MYO5B: variants seen among roughly 807,000 people sequenced by gnomAD.
The protein encoded by MYO5B is myosin VB.
MYO5B carries 143 observed loss-of-function variants against 229.3 expected under a neutral mutation model. That is an observed-to-expected ratio of 0.62 (90% CI 0.54 to 0.72). MYO5B has a LOEUF of 0.72. Among genes scored for constraint, MYO5B ranks in the 30% least tolerant of loss-of-function variants. MYO5B has a pLI of 0.00. For missense variants in MYO5B, 2,321 were observed against 2,331.0 expected (o/e 1.00, Z 0.09); for synonymous variants, 918 against 885.2 (o/e 1.04, Z -0.66).
intron 1 of MYO5B, among the ~76,000 whole-genome samples, chr18:50,101,070 T>C (rs181505247): frequency 2.4e-4 from 36 of 152,284 alleles, no homozygotes; most frequent in African/African-American, 8.7e-4. Context: ...ATGGGGACAA[T>C]AGTTCACAAT....
intron 18 of MYO5B, among the ~76,000 whole-genome samples, chr18:49,907,003 G>A (rs553777717): frequency 6.6e-6 from 1 of 152,328 alleles, no homozygotes; most frequent in Admixed American, 6.5e-5. Flanking sequence ...CAGCTCTGTG[G>A]AGGTGACAGC....
chr18:49,863,518 G>C (rs1185898086), intron 28 of MYO5B, among the ~76,000 whole-genome samples, 191 bp from the exon 29 acceptor site: 2 of 152,184 alleles, frequency 1.3e-5, no homozygotes, highest in African/African-American at 2.4e-5. Context: ...AGAACAACGA[G>C]GCCAGGCTGA....
intron 39 of MYO5B, among the ~76,000 whole-genome samples, chr18:49,834,036 C>T (rs1307728355): frequency 6.6e-6 from 1 of 152,156 alleles, no homozygotes; most frequent in Non-Finnish European, 1.5e-5. Context: ...GCCTCTGTTC[C>T]CTACTTAGAT....
At position 49,913,071 on chromosome 18, in the gene MYO5B, G is replaced by A. The variant is rs9954416; in HGVS notation, c.2091-898C>T. On this transcript the variant is annotated intron_variant, in intron 17 of 39. Transcript: ENST00000285039. ...ATTTTGCTTATGATTTTTTTCTTCT[G>A]ATTATTAGAGTAATACAGGCCCACT... 6.3e-3 allele frequency among the ~76,000 whole-genome samples: 960 copies of A among 152,184 alleles called. 13 individuals carry two copies. Among genetic ancestry groups the A allele is most frequent in the African/African-American group, 0.022 (927 of 41,502 alleles).
Position 49,841,103 on chromosome 18 carries a change from C to A in MYO5B, c.4701+262G>T, listed in dbSNP as rs1186570911. On this transcript the variant is annotated intron_variant, in intron 35 of 39. Transcript: ENST00000285039. ...GGAGACTCCCAGGGCCTCTATTGAT[C>A]ATGGGTTATGCAGACTCTACTTACA... 2.0e-5 allele frequency among the ~76,000 whole-genome samples: 3 copies of A among 152,328 alleles called. No homozygotes were observed. The East Asian group carries it at 5.8e-4, about 29-fold the overall frequency.
chr18:49,872,182 G>A lies in MYO5B; in HGVS notation c.3588C>T (p.Ala1196=). 6.2e-7 allele frequency: 1 copy of A among 1,614,020 alleles called. No individual in the cohort carries two copies. The highest frequency in any genetic ancestry group is 8.5e-7 in the Non-Finnish European group (1 of 1,179,976). ...DIDLDPNADL[A]YNSLKRQELE... ...AGAATCTTACCTTCAGACTATTGTA[G>A]GCCAGATCTGCATTCGGGTCCAAAT... The change falls in exon 27 of 40, where the codon GCC becomes GCT. Residue 1196 remains alanine, a synonymous_variant. Coordinates refer to ENST00000285039, the MANE Select transcript of MYO5B (RefSeq NM_001080467.3).
intron 10 of MYO5B, among the ~76,000 whole-genome samples, chr18:49,963,599 C>A (rs1375538713): frequency 6.6e-6 from 1 of 151,924 alleles, no homozygotes; most frequent in Non-Finnish European, 1.5e-5. Context: ...GCTAATTTTT[C>A]TACTTTTTTG....
chr18:50,076,599 G>T (rs929718628), intron 1 of MYO5B, among the ~76,000 whole-genome samples: 1 of 152,160 alleles, frequency 6.6e-6, no homozygotes, highest in African/African-American at 2.4e-5. Context: ...TCCTAGAAAT[G>T]AGCAAAGGGG....
In MYO5B at chr18:50,053,619, G is replaced by A. The variant is rs985733024; in HGVS notation, c.138+1649C>T. ...GTGCTTCTCATCTCAAAAGCAAGAG[G>A]TGGCTAGCGAAAGCTGCCTACTAGG... is the stretch of plus-strand genomic sequence containing the variant. On this transcript the variant is annotated intron_variant, in intron 2 of 39. Transcript: ENST00000285039. Among the ~76,000 whole-genome samples the A allele has an allele frequency of 3.9e-5, 6 of 152,052 alleles. No individual in the cohort carries two copies. In the East Asian group the frequency reaches 9.7e-4, roughly 25 times the overall value.
At chr18:50,188,580 A>G (rs2033180705) in intron 1 of MYO5B, among the ~76,000 whole-genome samples, 1 of 152,140 alleles carries the variant, frequency 6.6e-6, no homozygotes, top group African/African-American at 2.4e-5. Flanking sequence ...TGAGGTCAAG[A>G]GATTGAGACC....
rs372110779 is a variant in MYO5B, at chr18:49,879,038, C to T, written c.3183G>A (p.Glu1061=). 8 of 1,600,694 alleles carry T rather than the reference C, an allele frequency of 5.0e-6. No individual in the cohort carries two copies. The highest frequency in any genetic ancestry group is 1.7e-5 in the Admixed American group (1 of 58,900). ...VKENLMKKEL[E]EERSRYQNLV... is the part of the protein sequence containing the mutation. ...GGTTCTGGTACCGGGATCGCTCCTCCTCCAGTTCTTTCTTCATGAGATTTT... is the reference window on the plus strand; with the variant it reads ...GGTTCTGGTACCGGGATCGCTCCTCTTCCAGTTCTTTCTTCATGAGATTTT... Residue 1061 remains glutamate, a synonymous_variant, in exon 24 of 40, where the codon GAG becomes GAA. Coordinates refer to ENST00000285039, the MANE Select transcript of MYO5B (RefSeq NM_001080467.3).
chr18:49,857,279 T>C (rs896704977), intron 29 of MYO5B, among the ~76,000 whole-genome samples: 11 of 152,136 alleles, frequency 7.2e-5, no homozygotes, highest in African/African-American at 2.2e-4. Context: ...CTCAATCAGA[T>C]TGATTCAGAC....
chr18:49,847,244 T>C lies in MYO5B; in HGVS notation c.4361A>G (p.Asn1454Ser), dbSNP rs2024140959. 1.2e-6 allele frequency: 2 copies of C among 1,614,030 alleles called. No individual in the cohort carries two copies. The highest frequency in any genetic ancestry group is 2.2e-5 in the South Asian group (2 of 91,074). The stretch of plus-strand genomic sequence containing the variant: ...TTTCCGCTGGACCGTGACCTGCCTG[T>C]TGAGCTCATGGCGCTTCCTCTCACT... ...AQSERKRHEL[N>S]RQVTVQRKEK... Residue 1454 changes from asparagine to serine, a missense_variant, in exon 33 of 40, where the codon AAC becomes AGC. By Grantham distance (46) the Asn-to-Ser change is conservative. Coordinates refer to ENST00000285039, the MANE Select transcript of MYO5B (RefSeq NM_001080467.3).
At chr18:49,915,910 G>A (rs1598880228) in intron 17 of MYO5B, among the ~76,000 whole-genome samples, 1 of 152,196 alleles carries the variant, frequency 6.6e-6, no homozygotes, top group African/African-American at 2.4e-5. Context: ...CTTGGGGTAA[G>A]ATGGATTTGG....
rs144565238 is a variant in MYO5B, at chr18:50,137,439, G to A, written c.27+57328C>T. 2.2e-3 allele frequency among the ~76,000 whole-genome samples: 330 copies of A among 152,254 alleles called. 4 individuals carry two copies. Among genetic ancestry groups the A allele is most frequent in the East Asian group, 0.019 (101 of 5,190 alleles). On this transcript the variant is annotated intron_variant, in intron 1 of 39. Transcript: ENST00000285039. The stretch of plus-strand genomic sequence containing the variant: ...CAAATGGTGAAGGAACCTAGACAAG[G>A]TCCTGTCCTGCCAACCTCTAGGCTC...
At chr18:49,880,243 C>G in intron 23 of MYO5B, 128 bp downstream of exon 23, 1 of 845,264 alleles carries the variant, frequency 1.2e-6, no homozygotes, top group Non-Finnish European at 2.0e-6. Flanking sequence ...TCTTCATCTT[C>G]TTCTATTAAA....
At chr18:49,876,144 T>G (rs1032650768) in intron 25 of MYO5B, 3 of 383,876 alleles carry the variant, frequency 7.8e-6, no homozygotes, top group Non-Finnish European at 1.5e-5. Context: ...CTTTGGAAGT[T>G]AAAAGAGCTC....
chr18:49,892,665 G>A (rs923932488), intron 22 of MYO5B, among the ~76,000 whole-genome samples: 1 of 152,112 alleles, frequency 6.6e-6, no homozygotes, highest in African/African-American at 2.4e-5. Flanking sequence ...TATACCCTGA[G>A]GAGGCACAGA....
Position 49,826,254 on chromosome 18 carries a change from A to G in MYO5B, c.*217T>C. 1.7e-6 allele frequency: 1 copy of G among 575,042 alleles called. No individual in the cohort carries two copies. Among genetic ancestry groups the G allele is most frequent in the South Asian group, 2.0e-5 (1 of 50,614 alleles). The allele number at this position is 575,042 out of a possible 1,614,324, so 35.6% of individuals were successfully genotyped here. ...GTGTTGGACTGAAATCAAACTTAAA[A>G]TCTTCCATATTTCAAGTGTTTTTAT... is the stretch of plus-strand genomic sequence containing the variant. On this transcript the variant is annotated 3_prime_UTR_variant, in exon 40 of 40. Transcript: ENST00000285039.
Sources: gnomAD v4.1 joint callset for allele counts (sites outside exome capture counted in the v4.1 genomes callset) on GRCh38, gnomAD v4.1.1 for gene constraint, MANE v1.5 for transcripts, NCBI Gene and HGNC (gene_info 2026-07-23, HGNC 2026-07-21) for gene names.